Variants in NBEA observed in about 807,000 individuals in gnomAD.
NBEA encodes lysosomal-trafficking regulator 2.
NBEA carries 44 observed loss-of-function variants against 343.4 expected under a neutral mutation model. The observed-to-expected ratio is 0.13, with a 90% CI of 0.10 to 0.16. NBEA has a LOEUF of 0.16. Ranked by LOEUF, NBEA falls within the 10% of genes least tolerant of loss-of-function variation. The probability of loss-of-function intolerance (pLI) is 1.00; values close to 1 mark genes in which losing one functional copy is unlikely to be tolerated. For synonymous variants in NBEA, 1,175 were observed against 1,238.7 expected, an observed-to-expected ratio of 0.95 and a Z score of 1.08; for missense variants, 2,555 against 3,631.3, an observed-to-expected ratio of 0.70 and a Z score of 7.62.
intron 34 of NBEA, among the ~76,000 whole-genome samples, chr13:35,235,725 A>ACTTATTTCTT (rs1342614772): frequency 1.4e-4 from 21 of 152,164 alleles, no homozygotes; most frequent in African/African-American, 4.6e-4. Flanking sequence ...ATTGTTTCTT[A>ACTTATTTCTT]CTTATTTCTT....
At chr13:34,990,900 T>C (rs2060728050) in intron 1 of NBEA, among the ~76,000 whole-genome samples, 1 of 152,220 alleles carries the variant, frequency 6.6e-6, no homozygotes, top group Non-Finnish European at 1.5e-5. Flanking sequence ...TACTTAGAAA[T>C]TTCTTCTGCC....
At position 35,293,256 on chromosome 13, in the gene NBEA, T is replaced by C. The variant is rs527895637; in HGVS notation, c.5838+2806T>C. 2.0e-4 allele frequency among the ~76,000 whole-genome samples: 30 copies of C among 152,116 alleles called. No homozygotes were observed. In the South Asian group the frequency reaches 6.0e-3, roughly 30 times the overall value. On this transcript the variant is annotated intron_variant, in intron 35 of 58. Coordinates refer to ENST00000379939, the MANE Select transcript of NBEA (RefSeq NM_001385012.1). ...TCATCCAGTCTACCCCCCAATGTAA[T>C]TTTTCATCTTTGTGGAAAACATATT...
At chr13:35,187,539 G>A (rs926299304) in intron 30 of NBEA, among the ~76,000 whole-genome samples, 1 of 150,374 alleles carries the variant, frequency 6.7e-6, no homozygotes, top group African/African-American at 2.4e-5. Context: ...TTCTCAAAAG[G>A]CTCCCTGTAA....
chr13:35,083,699 A>G (rs1023383493), intron 10 of NBEA, among the ~76,000 whole-genome samples: 2 of 152,162 alleles, frequency 1.3e-5, no homozygotes, highest in Non-Finnish European at 2.9e-5. Flanking sequence ...AACTGCATCA[A>G]CTAATGGGCA....
intron 39 of NBEA, among the ~76,000 whole-genome samples, chr13:35,440,173 C>T (rs929336195): frequency 6.6e-6 from 1 of 152,188 alleles, no homozygotes; most frequent in African/African-American, 2.4e-5. Flanking sequence ...AGCTACCATG[C>T]CCAGCCCGAT....
At chr13:35,146,525 T>C (rs1325761639) in intron 18 of NBEA, among the ~76,000 whole-genome samples, 2 of 152,162 alleles carry the variant, frequency 1.3e-5, no homozygotes, top group African/African-American at 4.8e-5. Context: ...TTTCCTTCTC[T>C]CCCTTTGGAG....
chr13:34,956,362 CA>C (rs1325673077), intron 1 of NBEA, among the ~76,000 whole-genome samples: 1 of 142,998 alleles, frequency 7.0e-6, no homozygotes, highest in Non-Finnish European at 1.5e-5. Context: ...AGCAAAAAAA[CA>C]ATGGTTTTGA....
chr13:35,118,354 A>G lies in NBEA; in HGVS notation c.2146-23A>G, dbSNP rs1052232612. The G allele has an allele frequency of 2.5e-6, 4 of 1,586,624 alleles. No homozygotes were observed. The African/African-American group carries it at 4.0e-5, about 16-fold the overall frequency. On this transcript the variant is annotated intron_variant, in intron 15 of 58. Coordinates refer to ENST00000379939, the MANE Select transcript of NBEA (RefSeq NM_001385012.1). ...GCCAATCTTTAGAGTAAAATTTTAA[A>G]TCAACATTGGTGATTTATGCAGGAT...
intron 45 of NBEA, among the ~76,000 whole-genome samples, chr13:35,573,925 T>C (rs2080581141): frequency 6.6e-6 from 1 of 152,182 alleles, no homozygotes; most frequent in Non-Finnish European, 1.5e-5. Flanking sequence ...AAACAAAATA[T>C]TAAGCAGTTA....
At chr13:35,160,945 T>C (rs1273298819) in intron 22 of NBEA, among the ~76,000 whole-genome samples, 2 of 152,202 alleles carry the variant, frequency 1.3e-5, no homozygotes, top group Non-Finnish European at 2.9e-5. Flanking sequence ...ATACATTGAA[T>C]GTGTTTCCAT....
chr13:35,039,938 A>G (rs1279804309), intron 1 of NBEA, among the ~76,000 whole-genome samples: 9 of 152,194 alleles, frequency 5.9e-5, no homozygotes, highest in Non-Finnish European at 1.3e-4. Flanking sequence ...ATACATATAC[A>G]TCTTTGTTCC....
chr13:35,424,133 A>AC (rs1256103160), intron 38 of NBEA, among the ~76,000 whole-genome samples: 9 of 151,918 alleles, frequency 5.9e-5, no homozygotes, highest in Non-Finnish European at 1.3e-4. Flanking sequence ...CTAATCGGAT[A>AC]CCTTTATTTC....
intron 34 of NBEA, among the ~76,000 whole-genome samples, chr13:35,244,165 AAAC>A (rs1286289385): frequency 1.3e-5 from 2 of 151,972 alleles, no homozygotes; most frequent in Non-Finnish European, 2.9e-5. Context: ...CTTAAAAATA[AAAC>A]AACATATTTT....
intron 30 of NBEA, among the ~76,000 whole-genome samples, chr13:35,190,123 GA>G (rs1328502003): frequency 6.6e-6 from 1 of 152,066 alleles, no homozygotes; most frequent in Non-Finnish European, 1.5e-5. Context: ...AATCTTCCTG[GA>G]AAACTCCATT....
intron 28 of NBEA, among the ~76,000 whole-genome samples, chr13:35,177,637 T>C (rs1274264631): frequency 2.6e-5 from 4 of 151,874 alleles, no homozygotes; most frequent in South Asian, 2.1e-4. Context: ...TCCAATCTTA[T>C]GATCAGTTAC....
At chr13:35,410,179 A>G (rs1161159753) in intron 38 of NBEA, among the ~76,000 whole-genome samples, 1 of 152,150 alleles carries the variant, frequency 6.6e-6, no homozygotes, top group Non-Finnish European at 1.5e-5. Flanking sequence ...ATGTATTTAC[A>G]ATTCTGATTA....
intron 40 of NBEA, among the ~76,000 whole-genome samples, chr13:35,454,825 A>T (rs1420935212): frequency 2.0e-5 from 3 of 152,158 alleles, no homozygotes; most frequent in East Asian, 3.9e-4. Context: ...GCACCACTGC[A>T]CTCCAGCCTG....
chr13:35,124,025 G>T (rs1028059984), intron 17 of NBEA, among the ~76,000 whole-genome samples: 6 of 152,006 alleles, frequency 3.9e-5, no homozygotes, highest in Admixed American at 2.0e-4. Context: ...ACTTAAAGAT[G>T]CTAGAATACC....
chr13:35,040,387 G>A (rs2062605401), intron 1 of NBEA, among the ~76,000 whole-genome samples: 1 of 151,322 alleles, frequency 6.6e-6, no homozygotes, highest in African/African-American at 2.4e-5. Context: ...AAAAAAAAAA[G>A]CATTACAAGA....
Sources: gnomAD v4.1 joint callset for allele counts (sites outside exome capture counted in the v4.1 genomes callset) on GRCh38, gnomAD v4.1.1 for gene constraint, MANE v1.5 for transcripts, NCBI Gene and HGNC (gene_info 2026-07-23, HGNC 2026-07-21) for gene names.